TNN: variants seen among roughly 807,000 people sequenced by gnomAD.
The protein encoded by TNN is tenascin N, also known as tenascin-N.
TNN carries 122 observed loss-of-function variants against 134.4 expected under a neutral mutation model. That is an observed-to-expected ratio of 0.91 (90% confidence interval 0.78 to 1.06). The LOEUF (loss-of-function observed/expected upper bound fraction) is 1.06, where lower values mean the gene tolerates loss of function less well. TNN is among the 50% of genes least tolerant of loss of function. The pLI is 0.00. For synonymous variants in TNN, 710 were observed against 670.3 expected, an observed-to-expected ratio of 1.06 and a Z score of -0.91; for missense variants, 1,739 against 1,699.4, an observed-to-expected ratio of 1.02 and a Z score of -0.41.
chr1:175,119,749 C>T (rs1021547530), intron 11 of TNN, among the ~76,000 whole-genome samples: 4 of 151,256 alleles, frequency 2.6e-5, no homozygotes, highest in African/African-American at 9.7e-5. Flanking sequence ...ATTCTCCTGC[C>T]TCAGCCTCCC....
chr1:175,109,679 A>C, intron 9 of TNN, among the ~76,000 whole-genome samples: 1 of 148,752 alleles, frequency 6.7e-6, no homozygotes, highest in Middle Eastern at 3.6e-3. Flanking sequence ...TATATTATAT[A>C]TATATATACA....
At chr1:175,108,447 C>A (rs1408706075) in intron 9 of TNN, among the ~76,000 whole-genome samples, 1 of 152,258 alleles carries the variant, frequency 6.6e-6, no homozygotes, top group Non-Finnish European at 1.5e-5. Context: ...CAGTCCCATG[C>A]CATGAGCTCG....
intron 17 of TNN, among the ~76,000 whole-genome samples, chr1:175,140,412 G>A (rs1675918014): frequency 6.6e-6 from 1 of 152,192 alleles, no homozygotes; most frequent in South Asian, 2.1e-4. Context: ...GAAACCCAGT[G>A]CCCTCCCTGG....
intron 12 of TNN, among the ~76,000 whole-genome samples, chr1:175,124,509 C>T (rs1017583145): frequency 3.9e-5 from 6 of 152,022 alleles, no homozygotes; most frequent in Admixed American, 2.6e-4. Context: ...GGAGAAACCC[C>T]GTCTCTACTA....
rs746421320 is a variant in TNN at position 175,128,152 on chromosome 1, A to G, written c.3166A>G (p.Thr1056Ala). Residue 1056 changes from threonine to alanine, a missense_variant, in exon 14 of 19, where the codon ACC becomes GCC. Thr to Ala is a moderately conservative substitution (Grantham distance 58). Transcript: ENST00000239462. ...GGRRSRNVST[T>A]LSTVGARFPH... ...TCGCCGGAGCAGAAATGTATCCACC[A>G]CCCTCTCCACAGGTAATATGGAATC... 1 of 1,604,710 alleles carries G rather than the reference A, an allele frequency of 6.2e-7. No homozygotes were observed. The highest frequency in any genetic ancestry group is 8.5e-7 in the Non-Finnish European group (1 of 1,175,652).
Position 175,123,437 on chromosome 1 carries a change from G to C in TNN, c.2688G>C (p.Val896=). 1 of 1,614,212 alleles carries C rather than the reference G, an allele frequency of 6.2e-7. No homozygotes were observed. Among genetic ancestry groups the C allele is most frequent in the Non-Finnish European group, 8.5e-7 (1 of 1,180,038 alleles). The change falls in exon 12 of 19, where the codon GTG becomes GTC. Residue 896 remains valine, a synonymous_variant. Transcript: ENST00000239462. ...CCAAAAACCTAGTGACTGACTGGGT[G>C]ACGGAGAATATGGCCACTGTCTCCT... The part of the protein sequence containing the change: ...DGPKNLVTDW[V]TENMATVSWD...
intron 16 of TNN, 100 bp from the exon 17 acceptor site, chr1:175,136,721 T>C (rs1675820385): frequency 2.6e-6 from 3 of 1,138,214 alleles, no homozygotes; most frequent in Non-Finnish European, 3.7e-6. Context: ...AGGTAAAGAC[T>C]AAAGTGACTT....
At chr1:175,139,697 TTTA>T (rs1437832967) in intron 17 of TNN, among the ~76,000 whole-genome samples, 2 of 152,264 alleles carry the variant, frequency 1.3e-5, no homozygotes, top group Non-Finnish European at 2.9e-5. Flanking sequence ...AACATAATTA[TTTA>T]TTATCATTAT....
At chr1:175,136,781 T>G in intron 16 of TNN, 40 bp from the exon 17 acceptor site, 12 of 1,591,180 alleles carry the variant, frequency 7.5e-6, no homozygotes, top group South Asian at 1.1e-5. Context: ...CTCGCACACA[T>G]GGGTTGATTG....
rs962108606 is a variant in TNN at position 175,105,291 on chromosome 1, G to A, written c.2119+6696G>A. ...TGCTTTAAATCAGAGAGGGAGAAGG[G>A]GACATGCACCCGGGTTGGGCCAAAT... is the stretch of plus-strand genomic sequence containing the variant. On this transcript the variant is annotated intron_variant, in intron 9 of 18. Coordinates refer to ENST00000239462, the MANE Select transcript of TNN (RefSeq NM_022093.2). 3.4e-5 allele frequency among the ~76,000 whole-genome samples: 5 copies of A among 145,676 alleles called. 1 individual carries two copies. The highest frequency in any genetic ancestry group is 6.1e-5 in the Non-Finnish European group (4 of 65,672).
At position 175,147,799 on chromosome 1, in the gene TNN, T is replaced by C. The variant is rs553372980; in HGVS notation, c.*728T>C. The C allele has an allele frequency of 1.3e-5, 2 of 152,330 alleles. No homozygotes were observed. The highest frequency in any genetic ancestry group is 2.4e-5 in the African/African-American group (1 of 41,556). The allele number at this position is 152,330 out of a possible 1,614,324, so 9.4% of individuals were successfully genotyped here. A position where few individuals can be genotyped will look rare whatever the true frequency, so the allele number is the denominator to read the frequency against. On this transcript the variant is annotated 3_prime_UTR_variant, in exon 19 of 19. Coordinates refer to ENST00000239462, the MANE Select transcript of TNN (RefSeq NM_022093.2). ...TTGAATAATTTGACTGTCTTGATAATTGGTTCCTCCCAAAGACTCTTCTGC... is the reference window on the plus strand; with the variant it reads ...TTGAATAATTTGACTGTCTTGATAACTGGTTCCTCCCAAAGACTCTTCTGC...
rs183545864 is a variant in TNN, at chr1:175,117,573, C to T, written c.2386+368C>T. Reference sequence around the variant, plus strand: ...TATATTGAAAATTTGACTTTAAGAACGTAGATGTCACATCTGCCATAGCAA... The same window carrying T: ...TATATTGAAAATTTGACTTTAAGAATGTAGATGTCACATCTGCCATAGCAA... On this transcript the variant is annotated intron_variant, in intron 10 of 18. Transcript: ENST00000239462. Among the ~76,000 whole-genome samples, 146 of 152,194 alleles carry T rather than the reference C, an allele frequency of 9.6e-4. 1 individual carries two copies. The highest frequency in any genetic ancestry group is 3.4e-3 in the Middle Eastern group (1 of 294).
chr1:175,133,916 G>A (rs906758869), intron 15 of TNN, among the ~76,000 whole-genome samples: 3 of 152,170 alleles, frequency 2.0e-5, no homozygotes, highest in African/African-American at 7.2e-5. Flanking sequence ...ATGGCCCCAT[G>A]GTGCATGGCA....
At chr1:175,083,995 G>A (rs966044107) in intron 5 of TNN, 60 bp downstream of exon 5, 3 of 1,550,550 alleles carry the variant, frequency 1.9e-6, no homozygotes, top group African/African-American at 1.4e-5. Flanking sequence ...GGGATAGTGT[G>A]TGCAGAGGGC....
rs756995904 is a variant in TNN at position 175,123,412 on chromosome 1, C to T, written c.2663C>T (p.Pro888Leu). Residue 888 changes from proline (P) to leucine (L), a missense_variant, in exon 12 of 19, where the codon CCC becomes CTC. Coordinates refer to ENST00000239462, the MANE Select transcript of TNN (RefSeq NM_022093.2). ...TCTTTTTAAAAAGAAATTGACGGCC[C>T]CAAAAACCTAGTGACTGACTGGGTG... ...DTKAQTEIDG[P>L]KNLVTDWVTE... The T allele has an allele frequency of 2.5e-6, 4 of 1,613,692 alleles. No individual in the cohort carries two copies. Among genetic ancestry groups the T allele is most frequent in the Non-Finnish European group, 2.5e-6 (3 of 1,179,910 alleles).
Position 175,128,603 on chromosome 1 carries a change from C to A in TNN, c.3187C>A (p.Arg1063Ser), listed in dbSNP as rs567019332. The change falls in exon 15 of 19, where the codon CGT becomes AGT. Residue 1063 changes from arginine (R) to serine (S), a missense_variant. Transcript: ENST00000239462. The part of the protein sequence containing the change: ...VSTTLSTVGA[R>S]FPHPSDCSQV... ...CTCTGCTTGGCTCCCAGTTGGTGCC[C>A]GTTTCCCACACCCTTCGGACTGCAG... 7.5e-6 allele frequency: 12 copies of A among 1,609,882 alleles called. No homozygotes were observed. Among genetic ancestry groups the A allele is most frequent in the Non-Finnish European group, 1.0e-5 (12 of 1,177,826 alleles).
chr1:175,098,225 T>G (rs1329911845), intron 8 of TNN, 107 bp from the exon 9 acceptor site: 21 of 1,509,488 alleles, frequency 1.4e-5, no homozygotes, highest in Non-Finnish European at 1.8e-5. Context: ...AGAATGCCAT[T>G]GCCTTGTTCT....
chr1:175,145,760 T>C (rs1000338165), intron 18 of TNN, among the ~76,000 whole-genome samples: 20 of 152,014 alleles, frequency 1.3e-4, no homozygotes, highest in African/African-American at 4.8e-4. Flanking sequence ...GCCCTGAAAC[T>C]GTCCCACCCG....
At chr1:175,120,866 T>A (rs1052868941) in intron 11 of TNN, among the ~76,000 whole-genome samples, 1 of 152,210 alleles carries the variant, frequency 6.6e-6, no homozygotes, top group Non-Finnish European at 1.5e-5. Flanking sequence ...AGTGGTATGA[T>A]CACAGTTCAC....
Sources: gnomAD v4.1 joint callset for allele counts (sites outside exome capture counted in the v4.1 genomes callset) on GRCh38, gnomAD v4.1.1 for gene constraint, MANE v1.5 for transcripts, NCBI Gene and HGNC (gene_info 2026-07-23, HGNC 2026-07-21) for gene names.